Variants in IPP observed in about 807,000 individuals in gnomAD.
IPP encodes intracisternal A particle-promoted polypeptide.
IPP carries 41 observed loss-of-function variants against 64.1 expected under a neutral mutation model. The ratio of observed to expected loss-of-function variants is 0.64; its 90% confidence interval spans 0.50 to 0.83. IPP has a LOEUF of 0.83. Ranked by LOEUF, IPP falls within the 40% of genes least tolerant of loss-of-function variation. The probability of loss-of-function intolerance (pLI) is 0.00; values close to 1 mark genes in which losing one functional copy is unlikely to be tolerated. For synonymous variants in IPP, 214 were observed against 235.2 expected, an observed-to-expected ratio of 0.91 and a Z score of 0.83; for missense variants, 649 against 703.0, an observed-to-expected ratio of 0.92 and a Z score of 0.87.
In IPP at chr1:45,729,569, G is replaced by A. The variant is rs746123956; in HGVS notation, c.880+45C>T. On this transcript the variant is annotated intron_variant, in intron 4 of 8. Transcript: ENST00000396478. ...ACAAAATATTAAAAAGGTTTGATCT[G>A]GAACACAAATATAATTTCTATTACT... 4.1e-6 allele frequency: 6 copies of A among 1,456,654 alleles called. No homozygotes were observed. In the East Asian group the frequency reaches 9.1e-5, roughly 22 times the overall value. 90.2% of individuals were successfully genotyped at this position (1,456,654 alleles called of 1,614,324 possible). A position where few individuals can be genotyped will look rare whatever the true frequency, so the allele number is the denominator to read the frequency against.
chr1:45,701,094 T>C (rs1645444350), intron 8 of IPP, among the ~76,000 whole-genome samples: 1 of 152,152 alleles, frequency 6.6e-6, no homozygotes, highest in Non-Finnish European at 1.5e-5. Flanking sequence ...ACAATGATTT[T>C]CCCATATTAA....
rs769651889 is a variant in IPP, at chr1:45,746,418, G to T, written c.-7C>A. On this transcript the variant is annotated 5_prime_UTR_variant, in exon 2 of 9. Coordinates refer to ENST00000396478, the MANE Select transcript of IPP (RefSeq NM_005897.3). ...GACAGTCCTCATTAGCCATGATGAC[G>T]GTAGATTAATTAAAAGGACTGTTGC... 5 of 1,591,924 alleles carry T rather than the reference G, an allele frequency of 3.1e-6. No individual in the cohort carries two copies. The South Asian group carries it at 4.5e-5, about 14-fold the overall frequency.
At chr1:45,715,663 GC>G (rs1265882495) in intron 7 of IPP, among the ~76,000 whole-genome samples, 1 of 151,860 alleles carries the variant, frequency 6.6e-6, no homozygotes, top group Non-Finnish European at 1.5e-5. Flanking sequence ...AGAAATGTGG[GC>G]TAAATATTAG....
chr1:45,725,160 G>A (rs1645800378), intron 5 of IPP, among the ~76,000 whole-genome samples: 1 of 131,862 alleles, frequency 7.6e-6, no homozygotes, highest in African/African-American at 2.8e-5. Context: ...CCGGGAGTGG[G>A]GTGGGGGGTC....
intron 2 of IPP, among the ~76,000 whole-genome samples, chr1:45,743,848 TA>T (rs564404186): frequency 2.4e-4 from 35 of 146,682 alleles, no homozygotes; most frequent in Admixed American, 3.4e-4. Flanking sequence ...CCGTCTCTAC[TA>T]AAAAAAAAAA....
chr1:45,747,109 C>CGCGCACACGA (rs1553194438), intron 1 of IPP, among the ~76,000 whole-genome samples: 5 of 150,154 alleles, frequency 3.3e-5, no homozygotes, highest in Middle Eastern at 3.4e-3. Context: ...CGCGCATGCG[C>CGCGCACACGA]GCGCACACGA....
At chr1:45,721,206 G>C (rs1289774502) in intron 5 of IPP, among the ~76,000 whole-genome samples, 2 of 152,162 alleles carry the variant, frequency 1.3e-5, no homozygotes, top group African/African-American at 4.8e-5. Flanking sequence ...TTGACCCTTT[G>C]CTGGAATCTG....
intron 2 of IPP, among the ~76,000 whole-genome samples, chr1:45,741,880 G>T (rs1406792311): frequency 1.3e-5 from 1 of 77,954 alleles, no homozygotes; most frequent in African/African-American, 4.2e-5. Flanking sequence ...CGCCCGCCTC[G>T]GCCTCCCAAA....
At chr1:45,716,817 T>G in intron 7 of IPP, 78 bp downstream of exon 7, 2 of 1,273,368 alleles carry the variant, frequency 1.6e-6, no homozygotes, top group South Asian at 2.7e-5. Flanking sequence ...AAAATATACT[T>G]TTGTGAAAAT....
chr1:45,732,376 A>AAAAAC (rs1557755042), intron 3 of IPP, among the ~76,000 whole-genome samples: 2 of 150,914 alleles, frequency 1.3e-5, no homozygotes, highest in Admixed American at 6.6e-5. Flanking sequence ...AAAAAAAAAA[A>AAAAAC]AAAACACAAA....
Position 45,701,374 on chromosome 1 carries a change from G to C in IPP, c.1531-1184C>G, listed in dbSNP as rs1345088966. ...GTGATCTTGGCTCACTGCAACCTCT[G>C]TCTCCCAGGTTCAAGCGATTCTCCT... On this transcript the variant is annotated intron_variant, in intron 8 of 8. Transcript: ENST00000396478. Among the ~76,000 whole-genome samples the C allele has an allele frequency of 5.3e-5, 8 of 151,904 alleles. No homozygotes were observed. The South Asian group carries it at 1.7e-3, about 31-fold the overall frequency.
chr1:45,694,465 G>GA (rs767727407), downstream of IPP: 48 of 1,544,874 alleles, frequency 3.1e-5, no homozygotes, highest in Non-Finnish European at 3.5e-6. Flanking sequence ...TCATTGAAAA[G>GA]AATGCACATA....
At chr1:45,731,166 C>T (rs1008111414) in intron 3 of IPP, among the ~76,000 whole-genome samples, 4 of 152,248 alleles carry the variant, frequency 2.6e-5, no homozygotes, top group African/African-American at 9.6e-5. Context: ...CAAGGGCCAG[C>T]ACAGTGCCTC....
intron 8 of IPP, among the ~76,000 whole-genome samples, chr1:45,712,018 TA>T (rs2148555130): frequency 6.6e-6 from 1 of 151,872 alleles, no homozygotes; most frequent in East Asian, 1.9e-4. Context: ...TGAATGACAC[TA>T]AAAAACCAAC....
rs1488470574 is a variant in IPP, at chr1:45,746,420, T to C, written c.-9A>G. 4 of 1,593,154 alleles carry C rather than the reference T, an allele frequency of 2.5e-6. No individual in the cohort carries two copies. ...CAGTCCTCATTAGCCATGATGACGG[T>C]AGATTAATTAAAAGGACTGTTGCCC... is the stretch of plus-strand genomic sequence containing the variant. On this transcript the variant is annotated 5_prime_UTR_variant, in exon 2 of 9. Transcript: ENST00000396478.
intron 3 of IPP, among the ~76,000 whole-genome samples, chr1:45,739,966 G>GCGGCCTTC (rs1488927649): frequency 1.3e-5 from 2 of 152,110 alleles, no homozygotes; most frequent in East Asian, 1.9e-4. Context: ...AGAGGACCCT[G>GCGGCCTTC]CGGCCTTCCG....
intron 7 of IPP, among the ~76,000 whole-genome samples, chr1:45,716,245 A>G (rs1645657687): frequency 1.3e-5 from 2 of 152,056 alleles, no homozygotes; most frequent in Non-Finnish European, 2.9e-5. Flanking sequence ...CATGAAAATA[A>G]TTTATTTTTA....
chr1:45,718,594 C>A (rs1645691019), intron 6 of IPP, among the ~76,000 whole-genome samples: 2 of 152,106 alleles, frequency 1.3e-5, no homozygotes, highest in Admixed American at 1.3e-4. Flanking sequence ...CCAGCTGACC[C>A]CCACCTACAC....
intron 8 of IPP, among the ~76,000 whole-genome samples, chr1:45,711,785 A>C (rs1211901220): frequency 6.6e-6 from 1 of 152,172 alleles, no homozygotes; most frequent in Non-Finnish European, 1.5e-5. Context: ...CTTCAGTATA[A>C]AGAATATTAC....
Sources: allele counts gnomAD v4.1 joint callset (sites outside exome capture counted in the v4.1 genomes callset), GRCh38; gene constraint gnomAD v4.1.1; transcripts MANE v1.5; gene names NCBI Gene and HGNC (gene_info 2026-07-23, HGNC 2026-07-21).